The following NRG3 variants were observed in gnomAD, a reference collection of about 807,000 sequenced individuals.
NRG3 encodes the protein pro-neuregulin-3, membrane-bound isoform.
A neutral mutation model predicts 66.9 loss-of-function variants in NRG3; 31 were observed. That is an observed-to-expected ratio of 0.46 (90% CI 0.35 to 0.63). NRG3 has a LOEUF of 0.63. Among genes scored for constraint, NRG3 ranks in the 20% least tolerant of loss-of-function variants. NRG3 has a pLI of 0.00. For missense variants in NRG3, 910 were observed against 878.9 expected, an observed-to-expected ratio of 1.04 and a Z score of -0.45; for synonymous variants, 393 against 359.4, an observed-to-expected ratio of 1.09 and a Z score of -1.06.
chr10:81,881,396 G>A (rs1842169430), intron 1 of NRG3, among the ~76,000 whole-genome samples: 2 of 152,052 alleles, frequency 1.3e-5, no homozygotes, highest in African/African-American at 4.8e-5. Context: ...AACTGTCTTG[G>A]TGATTTAAAA....
intron 1 of NRG3, among the ~76,000 whole-genome samples, chr10:82,122,647 C>T (rs1029750286): frequency 6.6e-5 from 10 of 152,100 alleles, no homozygotes; most frequent in Admixed American, 5.9e-4. Flanking sequence ...ATTGTCTGCC[C>T]TGAATACCTG....
intron 1 of NRG3, among the ~76,000 whole-genome samples, chr10:82,312,713 A>C (rs2081093001): frequency 6.6e-6 from 1 of 152,234 alleles, no homozygotes; most frequent in African/African-American, 2.4e-5. Context: ...CGAAAAAGAA[A>C]AATTGTAGTA....
chr10:81,889,634 A>G (rs117836055), intron 1 of NRG3: 4 of 152,304 alleles, frequency 2.6e-5, no homozygotes, highest in East Asian at 3.9e-4. Flanking sequence ...TTAATAGCCA[A>G]TGGCATCTCT....
intron 3 of NRG3, among the ~76,000 whole-genome samples, chr10:82,806,469 C>T (rs1466449973): frequency 6.6e-6 from 1 of 152,168 alleles, no homozygotes; most frequent in African/African-American, 2.4e-5. Flanking sequence ...ATTAGTAGAG[C>T]ATGTATGAGG....
At chr10:82,219,358 G>A (rs1278386987) in intron 1 of NRG3, among the ~76,000 whole-genome samples, 1 of 150,458 alleles carries the variant, frequency 6.6e-6, no homozygotes, top group Non-Finnish European at 1.5e-5. Context: ...CTTCTGGGGG[G>A]CGTAGTCATC....
intron 1 of NRG3, among the ~76,000 whole-genome samples, chr10:81,900,950 G>A (rs1213101968): frequency 6.6e-6 from 1 of 152,120 alleles, no homozygotes; most frequent in Non-Finnish European, 1.5e-5. Flanking sequence ...TTTTTCATAA[G>A]TATTTCAGTG....
intron 2 of NRG3, among the ~76,000 whole-genome samples, chr10:82,611,055 T>C (rs1427528810): frequency 1.3e-5 from 2 of 152,020 alleles, no homozygotes; most frequent in African/African-American, 4.8e-5. Context: ...AATATTCTAC[T>C]TTAAATTCTC....
chr10:82,978,917 G>T, intron 7 of NRG3, 33 bp from the exon 8 acceptor site: 1 of 1,604,884 alleles, frequency 6.2e-7, no homozygotes, highest in Non-Finnish European at 8.5e-7. Flanking sequence ...TCTTTTGTTT[G>T]TTTGTTTGTC....
At chr10:82,597,994 T>C (rs1191035049) in intron 2 of NRG3, among the ~76,000 whole-genome samples, 16 of 152,302 alleles carry the variant, frequency 1.1e-4, no homozygotes, top group Non-Finnish European at 1.5e-5. Context: ...TGCATGTACC[T>C]TGATGATAAC....
chr10:82,650,391 T>C (rs933494895), intron 2 of NRG3, among the ~76,000 whole-genome samples: 1 of 152,188 alleles, frequency 6.6e-6, no homozygotes, highest in Non-Finnish European at 1.5e-5. Flanking sequence ...CTTAATATGC[T>C]GCCTCCTAAT....
At chr10:82,227,793 T>A (rs914298184) in intron 1 of NRG3, among the ~76,000 whole-genome samples, 16 of 152,348 alleles carry the variant, frequency 1.1e-4, no homozygotes, top group Middle Eastern at 3.4e-3. Flanking sequence ...CCTTTTACCC[T>A]TTCCACTTCT....
chr10:82,100,000 T>A (rs535836956), intron 1 of NRG3, among the ~76,000 whole-genome samples: 23 of 150,224 alleles, frequency 1.5e-4, no homozygotes, highest in Non-Finnish European at 3.0e-4. Context: ...TATATATATA[T>A]AATTTAAAAA....
chr10:82,430,546 C>G (rs771432669), intron 2 of NRG3, among the ~76,000 whole-genome samples: 2 of 152,128 alleles, frequency 1.3e-5, no homozygotes, highest in African/African-American at 4.8e-5. Flanking sequence ...TGTGAGCCAC[C>G]ACGCCCGACC....
At chr10:82,847,998 A>G (rs915883581) in intron 3 of NRG3, among the ~76,000 whole-genome samples, 1 of 152,228 alleles carries the variant, frequency 6.6e-6, no homozygotes, top group South Asian at 2.1e-4. Flanking sequence ...AGAAAAAAGC[A>G]TGACAGTAAA....
chr10:82,675,839 G>T (rs2053643658), intron 2 of NRG3, among the ~76,000 whole-genome samples: 1 of 152,136 alleles, frequency 6.6e-6, no homozygotes, highest in African/African-American at 2.4e-5. Flanking sequence ...TTCAGTTCTA[G>T]TACTCTATCT....
chr10:82,091,928 A>G (rs901253239), intron 1 of NRG3, among the ~76,000 whole-genome samples: 1 of 152,178 alleles, frequency 6.6e-6, no homozygotes, highest in South Asian at 2.1e-4. Context: ...TGCACCTATT[A>G]GTCATCAATA....
intron 2 of NRG3, among the ~76,000 whole-genome samples, chr10:82,512,022 T>C (rs1174444103): frequency 6.6e-6 from 1 of 152,078 alleles, no homozygotes; most frequent in East Asian, 1.9e-4. Flanking sequence ...TCTTAGAGAG[T>C]GTGCCTATAT....
At chr10:82,916,718 C>T (rs113858618) in intron 4 of NRG3, among the ~76,000 whole-genome samples, 3,705 of 151,888 alleles carry the variant, frequency 0.024, 158 homozygotes, top group African/African-American at 0.085. Context: ...CAGGTTCAAG[C>T]GATTCTCCTG....
rs151235151 is a variant in NRG3 at position 81,885,430 on chromosome 10, G to A, written c.823+9267G>A. 2.7e-3 allele frequency among the ~76,000 whole-genome samples: 410 copies of A among 152,222 alleles called. 4 individuals are homozygous for A. The highest frequency in any genetic ancestry group is 9.2e-3 in the African/African-American group (383 of 41,546). ...GAATTCCATCTTGGAGCCACACTGC[G>A]AAGTACCCATCACTGATTATCTACC... On this transcript the variant is annotated intron_variant, in intron 1 of 8. Transcript: ENST00000372141.
Sources: gnomAD v4.1 joint callset for allele counts (sites outside exome capture counted in the v4.1 genomes callset) on GRCh38, gnomAD v4.1.1 for gene constraint, MANE v1.5 for transcripts, NCBI Gene and HGNC (gene_info 2026-07-23, HGNC 2026-07-21) for gene names.